The following CBLIF variants were observed in gnomAD, a reference collection of about 807,000 sequenced individuals.
The protein encoded by CBLIF is cobalamin binding intrinsic factor, also known as gastric intrinsic factor (vitamin B synthesis).
A neutral mutation model predicts 44.9 loss-of-function variants in CBLIF; 24 were observed. The ratio of observed to expected loss-of-function variants is 0.53; its 90% CI spans 0.39 to 0.75. CBLIF has a LOEUF of 0.75. Among genes scored for constraint, CBLIF ranks in the 30% least tolerant of loss-of-function variants. The probability of loss-of-function intolerance (pLI) is 0.00; values close to 1 mark genes in which losing one functional copy is unlikely to be tolerated. For synonymous variants in CBLIF, 183 were observed against 190.9 expected (o/e 0.96, Z 0.34); for missense variants, 481 against 513.0 (o/e 0.94, Z 0.60).
At chr11:59,836,686 A>G (rs1866460192) in intron 6 of CBLIF, among the ~76,000 whole-genome samples, 1 of 152,122 alleles carries the variant, frequency 6.6e-6, no homozygotes, top group African/African-American at 2.4e-5. Context: ...AAAATCAACA[A>G]CTGGTCACTA....
chr11:59,829,582 G>T, intron 8 of CBLIF, 37 bp from the exon 9 acceptor site: 1 of 1,346,130 alleles, frequency 7.4e-7, no homozygotes, highest in South Asian at 1.2e-5. Flanking sequence ...GGTGACTGTG[G>T]TGCATGTAAC....
chr11:59,834,240 TTTTCTTTC>T lies in CBLIF; in HGVS notation c.1073+1560_1073+1567del, dbSNP rs57364350. 3.2e-3 allele frequency among the ~76,000 whole-genome samples: 371 copies of T among 115,168 alleles called. 4 individuals are homozygous for T. Among genetic ancestry groups the T allele is most frequent in the Middle Eastern group, 0.013 (3 of 230 alleles). 75.6% of individuals were successfully genotyped at this position (115,168 alleles called of 152,430 possible). On this transcript the variant is annotated intron_variant, in intron 7 of 8. Transcript: ENST00000257248. Reference sequence around the variant, plus strand: ...CCTTTCTGTTTCTTTCTTTCTTTCTTTTTCTTTCTTTCTTTCTTTCTTTCTTTCTTTCT... The same window carrying T: ...CCTTTCTGTTTCTTTCTTTCTTTCTTTTTCTTTCTTTCTTTCTTTCTTTCT...
chr11:59,842,582 G>C lies in CBLIF; in HGVS notation c.372C>G (p.Ser124Arg), dbSNP rs999307359. 3 of 1,613,694 alleles carry C rather than the reference G, an allele frequency of 1.9e-6. No individual in the cohort carries two copies. The highest frequency in any genetic ancestry group is 2.5e-6 in the Non-Finnish European group (3 of 1,179,634). The change falls in exon 4 of 9, where the codon AGC becomes AGG. Residue 124 changes from serine to arginine, a missense_variant and splice_region_variant. Ser to Arg is a moderately radical substitution (Grantham distance 110). Transcript: ENST00000257248. Reference protein sequence around the residue: ...QRQMENWAPSSPNAEASAFYG... With the variant: ...QRQMENWAPSRPNAEASAFYG... Reference sequence around the variant, plus strand: ...AGAAGGCTGATGCTTCAGCGTTGGGGCCTCCGAAGGGGATAGAGAACCTTC... The same window carrying C: ...AGAAGGCTGATGCTTCAGCGTTGGGCCCTCCGAAGGGGATAGAGAACCTTC...
At chr11:59,832,663 C>A (rs561182939) in intron 7 of CBLIF, among the ~76,000 whole-genome samples, 9 of 151,460 alleles carry the variant, frequency 5.9e-5, no homozygotes, top group African/African-American at 2.2e-4. Flanking sequence ...AACCTGATCT[C>A]AAAATAAATA....
At chr11:59,831,898 T>G in intron 7 of CBLIF, 102 bp from the exon 8 acceptor site, 1 of 716,244 alleles carries the variant, frequency 1.4e-6, no homozygotes, top group South Asian at 1.5e-5. Flanking sequence ...AGTTAATTAA[T>G]TTTTTAGAGA....
At chr11:59,831,134 G>A (rs17596862) in intron 8 of CBLIF, among the ~76,000 whole-genome samples, 10,551 of 152,262 alleles carry the variant, frequency 0.069, 527 homozygotes, top group African/African-American at 0.13. Flanking sequence ...ATTTTAATAT[G>A]TGTGCAAAAG....
chr11:59,831,535 C>A, intron 8 of CBLIF, 143 bp downstream of exon 8: 1 of 560,718 alleles, frequency 1.8e-6, no homozygotes, highest in Non-Finnish European at 3.2e-6. Context: ...TATAAGCAAT[C>A]ACTGTTTATA....
chr11:59,844,207 G>C (rs1030298648), intron 1 of CBLIF, 152 bp from the exon 2 acceptor site: 2 of 684,414 alleles, frequency 2.9e-6, no homozygotes, highest in Admixed American at 4.2e-5. Flanking sequence ...GCACGATCTC[G>C]GCTCACTGCA....
chr11:59,837,190 C>T lies in CBLIF; in HGVS notation c.855G>A (p.Gln285=), dbSNP rs371638397. The change falls in exon 6 of 9, where the codon CAG becomes CAA. Residue 285 remains glutamine (Q), a synonymous_variant. Coordinates refer to ENST00000257248, the MANE Select transcript of CBLIF (RefSeq NM_005142.3). ...ATGTCTTACCAGGACTACAAGTGAC[C>T]TGGGGCACATCTAGGTATGTCTTGC... The part of the protein sequence containing the change: ...LKGKTYLDVP[Q]VTCSPDHEVQ... The T allele has an allele frequency of 6.2e-7, 1 of 1,613,944 alleles. No individual in the cohort carries two copies. Among genetic ancestry groups the T allele is most frequent in the South Asian group, 1.1e-5 (1 of 91,084 alleles).
At chr11:59,841,950 C>T (rs1001968500) in intron 4 of CBLIF, among the ~76,000 whole-genome samples, 8 of 152,040 alleles carry the variant, frequency 5.3e-5, no homozygotes, top group Non-Finnish European at 8.8e-5. Context: ...AGAACAAAGA[C>T]GCAAGGTGGT....
intron 5 of CBLIF, among the ~76,000 whole-genome samples, chr11:59,838,803 T>C (rs920719248): frequency 2.0e-5 from 3 of 152,140 alleles, no homozygotes; most frequent in Non-Finnish European, 2.9e-5. Context: ...CATTAATAAC[T>C]TTCCATCAAG....
chr11:59,833,126 G>A (rs77237970), intron 7 of CBLIF, among the ~76,000 whole-genome samples: 11,043 of 152,148 alleles, frequency 0.073, 560 homozygotes, highest in African/African-American at 0.14. Context: ...TCTGCTCTAT[G>A]TATTTAATAC....
At position 59,837,250 on chromosome 11, in the gene CBLIF, G is replaced by A. The variant is rs755030986; in HGVS notation, c.795C>T (p.Pro265=). The change falls in exon 6 of 9, where the codon CCC becomes CCT. Residue 265 remains proline, a synonymous_variant. Transcript: ENST00000257248. ...NEIKQGKFHN[P]MSIAQILPSL... is the part of the protein sequence containing the mutation. ...AAGGGAGGATTTGAGCAATGGACAT[G>A]GGGTTGTGGAATTTCCCCTGCTTAA... 6.2e-7 allele frequency: 1 copy of A among 1,613,542 alleles called. No homozygotes were observed. Among genetic ancestry groups the A allele is most frequent in the African/African-American group, 1.3e-5 (1 of 74,928 alleles).
chr11:59,830,485 C>T (rs887006555), intron 8 of CBLIF, among the ~76,000 whole-genome samples: 2 of 151,846 alleles, frequency 1.3e-5, no homozygotes, highest in Non-Finnish European at 2.9e-5. Flanking sequence ...GATCCGTCCG[C>T]CTTGGCCTCC....
chr11:59,842,924 C>T, intron 3 of CBLIF, 104 bp downstream of exon 3: 1 of 759,928 alleles, frequency 1.3e-6, no homozygotes, highest in Non-Finnish European at 2.4e-6. Flanking sequence ...TGTCTCTTCC[C>T]TAACTTGCCT....
chr11:59,829,473 C>G lies in CBLIF; in HGVS notation c.*11G>C. 1 of 1,581,934 alleles carries G rather than the reference C, an allele frequency of 6.3e-7. No individual in the cohort carries two copies. Among genetic ancestry groups the G allele is most frequent in the South Asian group, 1.1e-5 (1 of 90,418 alleles). On this transcript the variant is annotated 3_prime_UTR_variant, in exon 9 of 9. Transcript: ENST00000257248. ...TGGAGATGTTTGATAGAAGCTGAAC[C>G]CACCTCTTCGTTAGTACTGTGTGAA...
chr11:59,834,279 T>C (rs1189263906), intron 7 of CBLIF, among the ~76,000 whole-genome samples: 2 of 136,696 alleles, frequency 1.5e-5, no homozygotes, highest in Admixed American at 7.7e-5. Context: ...TTTCTTTCTT[T>C]CTTTCTTTCT....
At chr11:59,834,520 G>T (rs1866428543) in intron 7 of CBLIF, among the ~76,000 whole-genome samples, 1 of 150,982 alleles carries the variant, frequency 6.6e-6, no homozygotes, top group Admixed American at 6.6e-5. Flanking sequence ...AACCTCCTGG[G>T]TAGCTGGGAC....
At chr11:59,838,578 C>T (rs1425876108) in intron 5 of CBLIF, among the ~76,000 whole-genome samples, 1 of 152,164 alleles carries the variant, frequency 6.6e-6, no homozygotes, top group Admixed American at 6.5e-5. Flanking sequence ...ACAACCATCA[C>T]TGAACCTCAG....
Sources: gnomAD v4.1 joint callset for allele counts (sites outside exome capture counted in the v4.1 genomes callset) on GRCh38, gnomAD v4.1.1 for gene constraint, MANE v1.5 for transcripts, NCBI Gene and HGNC (gene_info 2026-07-23, HGNC 2026-07-21) for gene names.